MYO1H: variants seen among roughly 807,000 people sequenced by gnomAD.
The protein encoded by MYO1H is unconventional myosin-Ih.
Under a neutral mutation model 149.3 loss-of-function variants are expected in MYO1H, and 118 were observed. The observed-to-expected ratio is 0.79, with a 90% CI of 0.68 to 0.92. The LOEUF (loss-of-function observed/expected upper bound fraction) is 0.92, where lower values mean the gene tolerates loss of function less well. Ranked by LOEUF, MYO1H falls within the 40% of genes least tolerant of loss-of-function variation. The pLI is 0.00. For missense variants in MYO1H, 1,212 were observed against 1,280.7 expected (o/e 0.95, Z 0.82); for synonymous variants, 447 against 465.2 (o/e 0.96, Z 0.50).
intron 6 of MYO1H, among the ~76,000 whole-genome samples, chr12:109,403,396 A>G (rs1388067160): frequency 6.6e-6 from 1 of 152,260 alleles, no homozygotes; most frequent in Non-Finnish European, 1.5e-5. Flanking sequence ...ACAAAAGCAA[A>G]ATAATACAAA....
At chr12:109,399,587 G>A (rs1870072595) in intron 5 of MYO1H, among the ~76,000 whole-genome samples, 1 of 97,934 alleles carries the variant, frequency 1.0e-5, no homozygotes, top group Non-Finnish European at 1.9e-5. Context: ...GTGAGACTCT[G>A]TCTCAAAAAA....
chr12:109,358,543 C>T (rs929589135), intron 1 of MYO1H, among the ~76,000 whole-genome samples: 11 of 152,100 alleles, frequency 7.2e-5, no homozygotes, highest in Admixed American at 2.6e-4. Flanking sequence ...ACTTCGTCTC[C>T]GGGACTGTTG....
intron 4 of MYO1H, 56 bp downstream of exon 4, chr12:109,396,638 A>C (rs1205777420): frequency 6.6e-7 from 1 of 1,504,154 alleles, no homozygotes; most frequent in African/African-American, 1.4e-5. Context: ...ACTAAGTGAG[A>C]CAAATCCTGT....
Position 109,422,630 on chromosome 12 carries a change from C to T in MYO1H, c.1644+1603C>T, listed in dbSNP as rs571342172. Among the ~76,000 whole-genome samples the T allele has an allele frequency of 2.6e-5, 4 of 152,324 alleles. No individual in the cohort carries two copies. The South Asian group carries it at 8.3e-4, about 32-fold the overall frequency. On this transcript the variant is annotated intron_variant, in intron 16 of 31. Transcript: ENST00000310903. ...AGGAAAGAAGTCTCCAAATCTCTCC[C>T]TTCACCCACCAGGGCTGAAGCTCCC... is the stretch of plus-strand genomic sequence containing the variant.
Position 109,369,425 on chromosome 12 carries a change from A to C in MYO1H, c.13-19258A>C, listed in dbSNP as rs1214996688. ...GATATCGAGGCATAAATTTTCAGGA[A>C]GGATGCACAAGGAAGAGTGGTAAAC... On this transcript the variant is annotated intron_variant, in intron 1 of 31. Coordinates refer to ENST00000310903, the Ensembl canonical transcript of MYO1H. Among the ~76,000 whole-genome samples the C allele has an allele frequency of 3.3e-5, 5 of 152,166 alleles. 1 individual carries two copies. Among genetic ancestry groups the C allele is most frequent in the Non-Finnish European group, 7.3e-5 (5 of 68,042 alleles).
chr12:109,411,031 A>G (rs1173175172), intron 13 of MYO1H, among the ~76,000 whole-genome samples: 3 of 152,194 alleles, frequency 2.0e-5, no homozygotes, highest in Admixed American at 6.6e-5. Context: ...AGTCCCAGCT[A>G]CTTGGGAGGC....
intron 8 of MYO1H, among the ~76,000 whole-genome samples, chr12:109,406,303 T>C (rs886529818): frequency 4.0e-5 from 6 of 151,722 alleles, no homozygotes; most frequent in Non-Finnish European, 8.8e-5. Flanking sequence ...ATGAACTCTT[T>C]ATAAGTTAGT....
At position 109,374,799 on chromosome 12, in the gene MYO1H, T is replaced by C. The variant is rs189649646; in HGVS notation, c.13-13884T>C. ...TTAAAATTTTTGTCAGTTTGGTAAGTATAAAATTATATTCCGGTGCATATT... is the reference window on the plus strand; with the variant it reads ...TTAAAATTTTTGTCAGTTTGGTAAGCATAAAATTATATTCCGGTGCATATT... On this transcript the variant is annotated intron_variant, in intron 1 of 31. Coordinates refer to ENST00000310903, the Ensembl canonical transcript of MYO1H. 2.5e-3 allele frequency among the ~76,000 whole-genome samples: 381 copies of C among 152,322 alleles called. 1 individual carries two copies. The highest frequency in any genetic ancestry group is 0.022 in the Admixed American group (340 of 15,302).
chr12:109,398,888 G>A (rs550209845), intron 5 of MYO1H, among the ~76,000 whole-genome samples: 1 of 152,078 alleles, frequency 6.6e-6, no homozygotes, highest in African/African-American at 2.4e-5. Context: ...CCATACAGTC[G>A]CAATGACCCA....
intron 23 of MYO1H, among the ~76,000 whole-genome samples, chr12:109,439,374 C>T (rs1439295649): frequency 6.6e-6 from 1 of 152,150 alleles, no homozygotes; most frequent in East Asian, 1.9e-4. Flanking sequence ...CCACCATGCC[C>T]AGCCTTGAAA....
intron 1 of MYO1H, among the ~76,000 whole-genome samples, chr12:109,377,853 A>AC (rs1319582964): frequency 6.6e-6 from 1 of 152,158 alleles, no homozygotes; most frequent in Non-Finnish European, 1.5e-5. Context: ...AACTCTCACC[A>AC]CCAGGATAAT....
In MYO1H at chr12:109,362,318, A is replaced by G. The variant is rs139721087; in HGVS notation, c.12+14346A>G. On this transcript the variant is annotated intron_variant, in intron 1 of 31. Transcript: ENST00000310903. Reference sequence around the variant, plus strand: ...CCTTCTAGTTTTGATGTGAAGTCTGATTTGAGCCAAAAGAGAATCTGTTTT... The same window carrying G: ...CCTTCTAGTTTTGATGTGAAGTCTGGTTTGAGCCAAAAGAGAATCTGTTTT... Among the ~76,000 whole-genome samples the G allele has an allele frequency of 6.1e-3, 934 of 152,316 alleles. 10 individuals are homozygous for G. Among genetic ancestry groups the G allele is most frequent in the African/African-American group, 0.022 (895 of 41,568 alleles).
chr12:109,442,997 G>A (rs1188539340), intron 27 of MYO1H, among the ~76,000 whole-genome samples: 9 of 67,800 alleles, frequency 1.3e-4, no homozygotes, highest in African/African-American at 4.3e-4. Context: ...AGAGAGCCAG[G>A]AAAAAAAAAA....
intron 20 of MYO1H, among the ~76,000 whole-genome samples, chr12:109,434,354 C>A (rs1006653321): frequency 1.6e-4 from 23 of 148,362 alleles, no homozygotes; most frequent in African/African-American, 3.9e-4. Context: ...TCTGGCTGGG[C>A]GTGGTGGCTG....
the MYO1H span, among the ~76,000 whole-genome samples, chr12:109,327,600 G>A: frequency 1.3e-5 from 2 of 151,750 alleles, no homozygotes; most frequent in Non-Finnish European, 2.9e-5. Context: ...ATAAAAATTA[G>A]CCAGGTGTGG....
At chr12:109,312,085 A>C in the MYO1H span, among the ~76,000 whole-genome samples, 1 of 152,250 alleles carries the variant, frequency 6.6e-6, no homozygotes, top group African/African-American at 2.4e-5. Context: ...CTCAGTCATA[A>C]CTGGGAACAC....
the MYO1H span, among the ~76,000 whole-genome samples, chr12:109,332,919 GTTCC>G: frequency 6.6e-6 from 1 of 152,122 alleles, no homozygotes; most frequent in Non-Finnish European, 1.5e-5. Context: ...CTACACAAAT[GTTCC>G]CCAAAGGCCA....
intron 16 of MYO1H, among the ~76,000 whole-genome samples, chr12:109,421,639 TTA>T (rs1357556680): frequency 6.6e-6 from 1 of 152,022 alleles, no homozygotes; most frequent in Non-Finnish European, 1.5e-5. Flanking sequence ...CATTCTGGTG[TTA>T]TGAGAATATA....
intron 14 of MYO1H, among the ~76,000 whole-genome samples, chr12:109,412,953 TTTGTTGTTGTTG>T (rs79763914): frequency 1.4e-5 from 2 of 147,088 alleles, no homozygotes; most frequent in South Asian, 4.4e-4. Flanking sequence ...GCCCGGCTAA[TTTGTTGTTGTTG>T]TTGTTGTTGT....
Sources: gnomAD v4.1 joint callset for allele counts (sites outside exome capture counted in the v4.1 genomes callset) on GRCh38, gnomAD v4.1.1 for gene constraint, MANE v1.5 for transcripts, NCBI Gene and HGNC (gene_info 2026-07-23, HGNC 2026-07-21) for gene names.